Variants in CNNM2 observed in about 807,000 individuals in gnomAD.
The protein encoded by CNNM2 is metal transporter CNNM2.
CNNM2 carries 12 observed loss-of-function variants against 66.9 expected under a neutral mutation model. That is an observed-to-expected ratio of 0.18 (90% CI 0.11 to 0.29). The LOEUF (loss-of-function observed/expected upper bound fraction) is 0.29, where lower values mean the gene tolerates loss of function less well. Among genes scored for constraint, CNNM2 ranks in the 10% least tolerant of loss-of-function variants. The probability of loss-of-function intolerance (pLI) is 1.00; values close to 1 mark genes in which losing one functional copy is unlikely to be tolerated. For missense variants in CNNM2, 705 were observed against 1,167.7 expected (o/e 0.60, Z 5.77); for synonymous variants, 557 against 501.8 (o/e 1.11, Z -1.47).
In CNNM2 at chr10:103,068,982, C is replaced by T. The variant is rs75565152; in HGVS notation, c.2167+260C>T. ...TACCAGCCCCACAGAACTCCCATCA[C>T]GCTCCCTTTTAGTCACTGGTCCCCC... On this transcript the variant is annotated intron_variant, in intron 5 of 7. Transcript: ENST00000369878. 4.1e-4 allele frequency among the ~76,000 whole-genome samples: 63 copies of T among 152,336 alleles called. No homozygotes were observed. In the East Asian group the frequency reaches 8.5e-3, roughly 21 times the overall value.
rs2065186099 is a variant in CNNM2 at position 103,049,735 on chromosome 10, G to A, written c.1650G>A (p.Arg550=). 1 of 1,613,782 alleles carries A rather than the reference G, an allele frequency of 6.2e-7. No individual in the cohort carries two copies. Among genetic ancestry groups the A allele is most frequent in the Admixed American group, 1.7e-5 (1 of 59,996 alleles). ...AATCTCACCTGGCTATCGTGCAGCG[G>A]GTAAACAATGAGGGAGAAGGGGATC... ...KGKSHLAIVQ[R]VNNEGEGDPF... Residue 550 remains arginine, a synonymous_variant, in exon 2 of 8, where the codon CGG becomes CGA. Coordinates refer to ENST00000369878, the MANE Select transcript of CNNM2 (RefSeq NM_017649.5).
chr10:102,979,257 C>G (rs777273585), intron 1 of CNNM2, among the ~76,000 whole-genome samples: 1 of 152,096 alleles, frequency 6.6e-6, no homozygotes, highest in Non-Finnish European at 1.5e-5. Flanking sequence ...TTGTTAAATC[C>G]TATTATTTGT....
chr10:103,057,103 C>T (rs2065307861), intron 4 of CNNM2, 139 bp downstream of exon 4: 2 of 772,156 alleles, frequency 2.6e-6, no homozygotes, highest in Non-Finnish European at 4.2e-6. Context: ...TTTTATCTTC[C>T]TGTTTTCATA....
chr10:103,023,797 TAAAAC>T (rs1312317520), intron 1 of CNNM2, among the ~76,000 whole-genome samples: 1 of 152,170 alleles, frequency 6.6e-6, no homozygotes, highest in African/African-American at 2.4e-5. Flanking sequence ...TATTTTGAAA[TAAAAC>T]AAATTTGCAA....
rs11191500 is a variant in CNNM2 at position 103,005,192 on chromosome 10, A to G, written c.1622-44515A>G. Among the ~76,000 whole-genome samples, 21,238 of 151,882 alleles carry G rather than the reference A, an allele frequency of 0.14. 1,672 individuals are homozygous for G. The highest frequency in any genetic ancestry group is 0.19 in the East Asian group (983 of 5,146). On this transcript the variant is annotated intron_variant, in intron 1 of 7. Transcript: ENST00000369878. ...GGCTCCCAAAGTGATAGGATTACAG[A>G]CCTGAGCCACTGTGTCTGGCCTAAT...
intron 1 of CNNM2, among the ~76,000 whole-genome samples, chr10:102,987,607 C>A (rs2063821212): frequency 6.6e-6 from 1 of 152,020 alleles, no homozygotes; most frequent in Admixed American, 6.6e-5. Flanking sequence ...AGGCTTGAGC[C>A]ACTGCGCCCG....
At chr10:103,008,656 G>A (rs748149026) in intron 1 of CNNM2, among the ~76,000 whole-genome samples, 3 of 151,772 alleles carry the variant, frequency 2.0e-5, no homozygotes, top group Non-Finnish European at 4.4e-5. Flanking sequence ...GCACATGCCT[G>A]TAGTCCTAGC....
chr10:103,016,281 A>G (rs570364332), intron 1 of CNNM2, among the ~76,000 whole-genome samples: 1 of 152,276 alleles, frequency 6.6e-6, no homozygotes, highest in African/African-American at 2.4e-5. Context: ...TTCTCTAGTG[A>G]CAAAGCTCTA....
In CNNM2 at chr10:103,083,746, A is replaced by G. The variant is rs1288791550; in HGVS notation, c.*6566A>G. The G allele has an allele frequency of 6.6e-6, 1 of 152,202 alleles. No individual in the cohort carries two copies. The highest frequency in any genetic ancestry group is 1.5e-5 in the Non-Finnish European group (1 of 68,046). 9.4% of individuals were successfully genotyped at this position (152,202 alleles called of 1,614,324 possible). On this transcript the variant is annotated 3_prime_UTR_variant, in exon 8 of 8. Coordinates refer to ENST00000369878, the MANE Select transcript of CNNM2 (RefSeq NM_017649.5). ...AGACATTGGCTGCTCAGTCACTAAT[A>G]ACAACACACAGTGCCGCTGGGCTAA...
chr10:103,022,474 C>G (rs2064605085), intron 1 of CNNM2, among the ~76,000 whole-genome samples: 1 of 152,142 alleles, frequency 6.6e-6, no homozygotes. Flanking sequence ...CCTATACCGG[C>G]TTAAAAAACT....
In CNNM2 at chr10:102,918,741, C is replaced by A; in HGVS notation, c.261C>A (p.Phe87Leu). ...LRLEDTNDVSFMEGGALRVSE... is the reference protein window; with the variant it reads ...LRLEDTNDVSLMEGGALRVSE... ...TGGAGGACACGAACGACGTGTCGTT[C>A]ATGGAAGGGGGGGCGCTGCGGGTGA... The change falls in exon 1 of 8, where the codon TTC becomes TTA. Residue 87 changes from phenylalanine (F) to leucine (L), a missense_variant. Transcript: ENST00000369878. The surrounding 1 kb of genome is among the most constrained non-coding windows in gnomAD (Gnocchi z 4.1). 1.3e-6 allele frequency: 2 copies of A among 1,586,358 alleles called. No homozygotes were observed.
At chr10:102,982,611 G>C (rs2063735403) in intron 1 of CNNM2, among the ~76,000 whole-genome samples, 1 of 152,166 alleles carries the variant, frequency 6.6e-6, no homozygotes, top group Non-Finnish European at 1.5e-5. Flanking sequence ...AAGCTTTGAT[G>C]GGTAGTTAGT....
chr10:103,042,557 T>C (rs767034441), intron 1 of CNNM2, among the ~76,000 whole-genome samples: 1 of 152,236 alleles, frequency 6.6e-6, no homozygotes, highest in Non-Finnish European at 1.5e-5. Context: ...CCAGTGCTTG[T>C]ATTTTGGTCC....
intron 4 of CNNM2, among the ~76,000 whole-genome samples, chr10:103,059,298 A>G (rs1027892352): frequency 5.9e-5 from 9 of 152,196 alleles, no homozygotes; most frequent in South Asian, 2.1e-4. Context: ...AGAGCACTAA[A>G]TAAGAAAAAA....
Position 102,920,968 on chromosome 10 carries a change from C to A in CNNM2, c.1621+867C>A, listed in dbSNP as rs1399310688. On this transcript the variant is annotated intron_variant, in intron 1 of 7. Coordinates refer to ENST00000369878, the MANE Select transcript of CNNM2 (RefSeq NM_017649.5). ...TCCCTCTATTGGGGCTTATTTATTT[C>A]TTGACTCTTTCAGTTTAACGTGTTC... 5 of 422,602 alleles carry A rather than the reference C, an allele frequency of 1.2e-5. No homozygotes were observed. In the East Asian group the frequency reaches 8.0e-4, roughly 67 times the overall value. The allele number at this position is 422,602 out of a possible 1,614,324, so 26.2% of individuals were successfully genotyped here.
At position 103,021,835 on chromosome 10, in the gene CNNM2, T is replaced by C. The variant is rs115054970; in HGVS notation, c.1622-27872T>C. Among the ~76,000 whole-genome samples the C allele has an allele frequency of 6.2e-3, 949 of 152,300 alleles. 11 individuals are homozygous for C. Among genetic ancestry groups the C allele is most frequent in the African/African-American group, 0.022 (899 of 41,544 alleles). ...TTCTAGCAAATTTTTGAGAAAATAC[T>C]GGTTCCTAGAGGTAAGAATTACTTC... On this transcript the variant is annotated intron_variant, in intron 1 of 7. Coordinates refer to ENST00000369878, the MANE Select transcript of CNNM2 (RefSeq NM_017649.5).
In CNNM2 at chr10:102,921,862, A is replaced by T. The variant is rs561972983; in HGVS notation, c.1621+1761A>T. ...GCTGAAGTCTTTTCTTCACTTCTAT[A>T]TCTTTTTACCTTGAGAATTTAGTTT... On this transcript the variant is annotated intron_variant, in intron 1 of 7. Transcript: ENST00000369878. Among the ~76,000 whole-genome samples the T allele has an allele frequency of 3.9e-5, 6 of 152,214 alleles. No homozygotes were observed. The South Asian group carries it at 1.0e-3, about 26-fold the overall frequency.
At chr10:103,017,524 G>C (rs1047570360) in intron 1 of CNNM2, among the ~76,000 whole-genome samples, 2 of 152,216 alleles carry the variant, frequency 1.3e-5, no homozygotes, top group African/African-American at 4.8e-5. Flanking sequence ...GGCCTTGTGA[G>C]GAGGTGACAT....
intron 1 of CNNM2, among the ~76,000 whole-genome samples, chr10:102,981,902 AC>A (rs1453333168): frequency 6.6e-6 from 1 of 151,622 alleles, no homozygotes; most frequent in Non-Finnish European, 1.5e-5. Flanking sequence ...GACTAGGGTG[AC>A]TGCCTCTTCT....
Sources: allele counts gnomAD v4.1 joint callset (sites outside exome capture counted in the v4.1 genomes callset), GRCh38; gene constraint gnomAD v4.1.1; non-coding constraint Gnocchi (gnomAD v3.1); transcripts MANE v1.5; gene names NCBI Gene and HGNC (gene_info 2026-07-23, HGNC 2026-07-21).